Variants in FOXP1 observed in about 807,000 individuals in gnomAD.
FOXP1 encodes forkhead box protein P1.
A neutral mutation model predicts 98.2 loss-of-function variants in FOXP1; 15 were observed. The observed-to-expected ratio is 0.15, with a 90% confidence interval of 0.10 to 0.24. The LOEUF is 0.24. FOXP1 is among the 10% of genes least tolerant of loss of function. The probability of loss-of-function intolerance (pLI) is 1.00; values close to 1 mark genes in which losing one functional copy is unlikely to be tolerated. For missense variants in FOXP1, 633 were observed against 848.5 expected, an observed-to-expected ratio of 0.75 and a Z score of 3.15; for synonymous variants, 371 against 314.5, an observed-to-expected ratio of 1.18 and a Z score of -1.90.
chr3:71,027,452 C>T (rs185485855), intron 11 of FOXP1, among the ~76,000 whole-genome samples: 11 of 152,278 alleles, frequency 7.2e-5, no homozygotes, highest in African/African-American at 2.4e-4. Flanking sequence ...CAGGCACTTG[C>T]TTATGTATTT....
chr3:71,374,563 A>G (rs2079573177), intron 3 of FOXP1, among the ~76,000 whole-genome samples: 1 of 151,840 alleles, frequency 6.6e-6, no homozygotes, highest in Non-Finnish European at 1.5e-5. Flanking sequence ...ACTAAACTCC[A>G]GTCTAGGTAA....
At chr3:71,024,124 A>G (rs1416315002) in intron 11 of FOXP1, among the ~76,000 whole-genome samples, 1 of 152,160 alleles carries the variant, frequency 6.6e-6, no homozygotes, top group Non-Finnish European at 1.5e-5. Flanking sequence ...CACATTCCAT[A>G]CTGTAGCATC....
chr3:71,146,504 A>AAAAAAAT (rs980538854), intron 6 of FOXP1, among the ~76,000 whole-genome samples: 1 of 152,052 alleles, frequency 6.6e-6, no homozygotes, highest in Non-Finnish European at 1.5e-5. Flanking sequence ...AATGAAGAGC[A>AAAAAAAT]AAAAAATAAA....
chr3:70,988,450 T>C (rs1400787746), intron 13 of FOXP1, among the ~76,000 whole-genome samples: 1 of 152,214 alleles, frequency 6.6e-6, no homozygotes, highest in African/African-American at 2.4e-5. Context: ...TCTGTTGTGG[T>C]TGTGGAAAAA....
intron 5 of FOXP1, among the ~76,000 whole-genome samples, chr3:71,272,680 T>C (rs2107313603): frequency 6.6e-6 from 1 of 152,270 alleles, no homozygotes; most frequent in Middle Eastern, 3.4e-3. Context: ...GTCACTGGGC[T>C]GCAGTCAAGC....
chr3:71,029,650 C>G (rs997704156), intron 11 of FOXP1, among the ~76,000 whole-genome samples: 2 of 152,198 alleles, frequency 1.3e-5, no homozygotes, highest in Non-Finnish European at 2.9e-5. Flanking sequence ...CTCGGCCTCC[C>G]AAAGTGCTGG....
At chr3:70,986,869 C>CA (rs1461863287) in intron 14 of FOXP1, among the ~76,000 whole-genome samples, 1 of 152,136 alleles carries the variant, frequency 6.6e-6, no homozygotes, top group African/African-American at 2.4e-5. Flanking sequence ...TTTTGCCTGC[C>CA]AACTGCATCT....
At chr3:71,005,328 A>AC (rs1438361522) in intron 12 of FOXP1, among the ~76,000 whole-genome samples, 1 of 149,082 alleles carries the variant, frequency 6.7e-6, no homozygotes, top group East Asian at 1.9e-4. Flanking sequence ...AAAAAAAAAA[A>AC]AAAAAAAAAA....
rs570372825 is a variant in FOXP1 at position 70,957,705 on chromosome 3, AC to A, written c.*1541del. 7 of 232,924 alleles carry A rather than the reference AC, an allele frequency of 3.0e-5. No individual in the cohort carries two copies. Among genetic ancestry groups the A allele is most frequent in the African/African-American group, 6.6e-5 (3 of 45,170 alleles). 14.4% of individuals were successfully genotyped at this position (232,924 alleles called of 1,614,324 possible). A position where few individuals can be genotyped will look rare whatever the true frequency, so the allele number is the denominator to read the frequency against. On this transcript the variant is annotated 3_prime_UTR_variant, in exon 21 of 21. Coordinates refer to ENST00000649528, the MANE Select transcript of FOXP1 (RefSeq NM_001349338.3). Reference sequence around the variant, plus strand: ...CACATTTCTGCATACCATGTTTGGGACCCCCCCAAAGCCCAGGGCCTACATG... The same window carrying A: ...CACATTTCTGCATACCATGTTTGGGACCCCCCAAAGCCCAGGGCCTACATG...
At chr3:71,104,340 T>C (rs941569632) in intron 7 of FOXP1, among the ~76,000 whole-genome samples, 5 of 152,196 alleles carry the variant, frequency 3.3e-5, no homozygotes, top group Non-Finnish European at 5.9e-5. Context: ...AGGCAACCAA[T>C]AGGCTTGATA....
chr3:71,005,607 A>C (rs1174045555), intron 12 of FOXP1, among the ~76,000 whole-genome samples: 1 of 152,118 alleles, frequency 6.6e-6, no homozygotes, highest in African/African-American at 2.4e-5. Context: ...GACCCTGTTC[A>C]TGCATCTCCA....
At chr3:71,168,104 C>T (rs1052171758) in intron 6 of FOXP1, among the ~76,000 whole-genome samples, 1 of 151,950 alleles carries the variant, frequency 6.6e-6, no homozygotes, top group Non-Finnish European at 1.5e-5. Flanking sequence ...GCAAGAGTAC[C>T]CCAGGCTAAT....
At chr3:71,308,534 C>T (rs548466821) in intron 4 of FOXP1, among the ~76,000 whole-genome samples, 23 of 152,182 alleles carry the variant, frequency 1.5e-4, no homozygotes, top group African/African-American at 5.3e-4. Flanking sequence ...TGACTAAACC[C>T]GGCAGAGATT....
intron 7 of FOXP1, among the ~76,000 whole-genome samples, chr3:71,074,987 T>C (rs184500970): frequency 5.8e-4 from 89 of 152,324 alleles, no homozygotes; most frequent in African/African-American, 2.0e-3. Flanking sequence ...TTCCGACACA[T>C]GACTGAGCAC....
chr3:71,101,313 A>C (rs911344038), intron 7 of FOXP1, among the ~76,000 whole-genome samples: 1 of 152,148 alleles, frequency 6.6e-6, no homozygotes, highest in African/African-American at 2.4e-5. Flanking sequence ...GGAGCAGTAC[A>C]ACAGGTCTGG....
intron 5 of FOXP1, among the ~76,000 whole-genome samples, chr3:71,242,208 A>G (rs1426183746): frequency 1.3e-5 from 2 of 152,172 alleles, no homozygotes; most frequent in African/African-American, 4.8e-5. Flanking sequence ...CCCCATATTC[A>G]TTTAAAAGAC....
intron 4 of FOXP1, among the ~76,000 whole-genome samples, chr3:71,343,197 C>T (rs116121237): frequency 0.02 from 3,109 of 152,314 alleles, 44 homozygotes; most frequent in Middle Eastern, 0.037. Context: ...ATGGCATCTG[C>T]CACCATTTAT....
At chr3:71,550,930 G>A (rs566974484) in intron 2 of FOXP1, among the ~76,000 whole-genome samples, 101 of 152,304 alleles carry the variant, frequency 6.6e-4, no homozygotes, top group African/African-American at 2.2e-3. Context: ...CGATGAAGCC[G>A]CCATTGTTGC....
chr3:71,456,808 G>GT (rs34335003), intron 3 of FOXP1, among the ~76,000 whole-genome samples: 468 of 146,590 alleles, frequency 3.2e-3, no homozygotes, highest in African/African-American at 5.2e-3. Flanking sequence ...GTTATTGGTA[G>GT]TTTTTTTTTT....
Sources: allele counts gnomAD v4.1 joint callset (sites outside exome capture counted in the v4.1 genomes callset), GRCh38; gene constraint gnomAD v4.1.1; transcripts MANE v1.5; gene names NCBI Gene and HGNC (gene_info 2026-07-23, HGNC 2026-07-21).